PTPRA: variants seen among roughly 807,000 people sequenced by gnomAD.
The protein encoded by PTPRA is protein tyrosine phosphatase receptor type A, also known as receptor-type tyrosine-protein phosphatase alpha.
PTPRA carries 25 observed loss-of-function variants against 104.8 expected under a neutral mutation model. The observed-to-expected ratio is 0.24, with a 90% confidence interval of 0.17 to 0.33. The LOEUF is 0.33. Ranked by LOEUF, PTPRA falls within the 10% of genes least tolerant of loss-of-function variation. The pLI, the probability that PTPRA is intolerant of heterozygous loss-of-function variation, is 1.00. For missense variants in PTPRA, 765 were observed against 1,015.3 expected (o/e 0.75, Z 3.35); for synonymous variants, 323 against 368.9 (o/e 0.88, Z 1.43).
At chr20:2,954,475 G>A (rs370840054) in intron 3 of PTPRA, among the ~76,000 whole-genome samples, 1 of 151,374 alleles carries the variant, frequency 6.6e-6, no homozygotes, top group Non-Finnish European at 1.5e-5. Context: ...CTCCCACCTC[G>A]GCCTCCCAAA....
intron 3 of PTPRA, among the ~76,000 whole-genome samples, chr20:2,962,565 C>T (rs2061793075): frequency 2.6e-5 from 4 of 152,148 alleles, no homozygotes. Flanking sequence ...TGTTGTTTGA[C>T]CCTTGTGAAG....
intron 6 of PTPRA, among the ~76,000 whole-genome samples, chr20:2,985,416 C>T (rs1350420388): frequency 2.6e-5 from 4 of 152,138 alleles, no homozygotes; most frequent in Non-Finnish European, 5.9e-5. Flanking sequence ...TGGATGTAAT[C>T]CAGAGCACAC....
At chr20:2,982,375 C>T (rs1019651233) in intron 6 of PTPRA, among the ~76,000 whole-genome samples, 1 of 152,124 alleles carries the variant, frequency 6.6e-6, no homozygotes, top group Non-Finnish European at 1.5e-5. Flanking sequence ...TAATTACTTT[C>T]TTATAATACC....
At chr20:2,901,132 C>T (rs1034010652) in intron 1 of PTPRA, among the ~76,000 whole-genome samples, 5 of 151,762 alleles carry the variant, frequency 3.3e-5, no homozygotes, top group East Asian at 3.9e-4. Flanking sequence ...CACCACACCT[C>T]GCTAATTTTT....
At chr20:2,900,635 C>T (rs1005444094) in intron 1 of PTPRA, among the ~76,000 whole-genome samples, 1 of 151,688 alleles carries the variant, frequency 6.6e-6, no homozygotes, top group Non-Finnish European at 1.5e-5. Flanking sequence ...GCGGGTGGAT[C>T]ACCTGAGGTC....
intron 5 of PTPRA, 91 bp from the exon 6 acceptor site, chr20:2,975,124 A>G: frequency 8.6e-7 from 1 of 1,161,906 alleles, no homozygotes. Flanking sequence ...AAGCATTCCT[A>G]ATCCTGGAGC....
At chr20:2,987,664 G>C (rs1310608663) in intron 7 of PTPRA, among the ~76,000 whole-genome samples, 2 of 152,202 alleles carry the variant, frequency 1.3e-5, no homozygotes, top group Non-Finnish European at 2.9e-5. Context: ...GGGTCTCCCA[G>C]GCTACACTGA....
upstream of PTPRA, among the ~76,000 whole-genome samples, chr20:2,870,612 A>G (rs969315038): frequency 2.0e-5 from 3 of 152,204 alleles, no homozygotes; most frequent in African/African-American, 4.8e-5. Flanking sequence ...TCTGCACTCA[A>G]TAAGTATTTG....
Position 3,037,324 on chromosome 20 carries a change from C to T in PTPRA, c.2334+35C>T. ...CCACATATTTGTCCCTGCCACCACA[C>T]CACCTGCAGCCCTTCTCTCAGGGAG... On this transcript the variant is annotated intron_variant, in intron 23 of 23. Transcript: ENST00000399903. The surrounding 1 kb of genome is among the most constrained non-coding windows in gnomAD (Gnocchi z 4.3). 6.2e-7 allele frequency: 1 copy of T among 1,609,240 alleles called. No individual in the cohort carries two copies.
intron 1 of PTPRA, among the ~76,000 whole-genome samples, chr20:2,883,796 G>T (rs567350412): frequency 2.0e-5 from 3 of 151,894 alleles, no homozygotes; most frequent in African/African-American, 4.8e-5. Context: ...CAGTTCTGTG[G>T]TTTTTTGTAT....
intron 6 of PTPRA, among the ~76,000 whole-genome samples, chr20:2,976,856 T>G (rs1600201392): frequency 6.6e-6 from 1 of 152,206 alleles, no homozygotes; most frequent in East Asian, 1.9e-4. Flanking sequence ...GCACTGGTCT[T>G]TGGGGTGCTT....
At chr20:2,991,722 G>A (rs1056934972) in intron 9 of PTPRA, among the ~76,000 whole-genome samples, 6 of 152,178 alleles carry the variant, frequency 3.9e-5, no homozygotes, top group African/African-American at 1.4e-4. Context: ...TGCTACCATG[G>A]CAACCGTGTT....
intron 14 of PTPRA, 65 bp downstream of exon 14, chr20:3,021,493 G>T: frequency 6.3e-7 from 1 of 1,596,632 alleles, no homozygotes; most frequent in East Asian, 2.2e-5. Context: ...GAGGGAACAG[G>T]CTGGATCATC....
chr20:2,866,840 G>A, the PTPRA span: 1 of 443,958 alleles, frequency 2.3e-6, no homozygotes, highest in Non-Finnish European at 4.0e-6. Context: ...GACCGGAGGT[G>A]GGGGCTTCTC....
chr20:2,888,310 A>G (rs1408982030), intron 1 of PTPRA, among the ~76,000 whole-genome samples: 1 of 152,156 alleles, frequency 6.6e-6, no homozygotes, highest in Non-Finnish European at 1.5e-5. Flanking sequence ...CTGTAATCCT[A>G]GCACTTTCGG....
intron 1 of PTPRA, among the ~76,000 whole-genome samples, chr20:2,877,756 A>C (rs2089815737): frequency 6.6e-6 from 1 of 152,218 alleles, no homozygotes; most frequent in Non-Finnish European, 1.5e-5. Flanking sequence ...GTCAGTGTAC[A>C]AGACATAATT....
At chr20:2,984,967 G>A (rs2062840374) in intron 6 of PTPRA, among the ~76,000 whole-genome samples, 2 of 152,108 alleles carry the variant, frequency 1.3e-5, no homozygotes, top group Non-Finnish European at 2.9e-5. Context: ...ATTCCTCATA[G>A]CACTTGTCCC....
At position 2,988,122 on chromosome 20, in the gene PTPRA, T is replaced by C. The variant is rs778486007; in HGVS notation, c.601+17T>C. 2.6e-6 allele frequency: 4 copies of C among 1,556,358 alleles called. No individual in the cohort carries two copies. The highest frequency in any genetic ancestry group is 2.2e-5 in the South Asian group (2 of 89,880). ...AGGATGTGGGTAAGGCATTCCTTAATGTCATGGGGAACCTTCACAAGGAAG... is the reference window on the plus strand; with the variant it reads ...AGGATGTGGGTAAGGCATTCCTTAACGTCATGGGGAACCTTCACAAGGAAG... On this transcript the variant is annotated intron_variant, in intron 8 of 23. Transcript: ENST00000399903.
intron 5 of PTPRA, among the ~76,000 whole-genome samples, chr20:2,974,232 G>A (rs940097926): frequency 6.6e-6 from 1 of 151,898 alleles, no homozygotes; most frequent in African/African-American, 2.4e-5. Context: ...AGGATTACAG[G>A]CGTGAGCCAC....
Sources: allele counts gnomAD v4.1 joint callset (sites outside exome capture counted in the v4.1 genomes callset), GRCh38; gene constraint gnomAD v4.1.1; non-coding constraint Gnocchi (gnomAD v3.1); transcripts MANE v1.5; gene names NCBI Gene and HGNC (gene_info 2026-07-23, HGNC 2026-07-21).